DPF3: variants seen among roughly 807,000 people sequenced by gnomAD.
DPF3 encodes zinc finger protein DPF3.
Under a neutral mutation model 56.8 loss-of-function variants are expected in DPF3, and 18 were observed. The ratio of observed to expected loss-of-function variants is 0.32; its 90% confidence interval spans 0.22 to 0.47. DPF3 has a LOEUF of 0.47. Among genes scored for constraint, DPF3 ranks in the 20% least tolerant of loss-of-function variants. The pLI is 1.00. For synonymous variants in DPF3, 188 were observed against 180.2 expected (o/e 1.04, Z -0.35); for missense variants, 403 against 488.8 (o/e 0.82, Z 1.65).
In DPF3 at chr14:72,616,068, G is replaced by A. The variant is rs150449125; in HGVS notation, c.*3229C>T. Among the ~76,000 whole-genome samples the A allele has an allele frequency of 1.1e-3, 165 of 152,252 alleles. No individual in the cohort carries two copies. Among genetic ancestry groups the A allele is most frequent in the African/African-American group, 3.7e-3 (154 of 41,540 alleles). On this transcript the variant is annotated 3_prime_UTR_variant, in exon 11 of 11. Transcript: ENST00000556509. ...AAATGACAATAGCTACCATGGAGTG[G>A]GGACCATCATCATGCCAGACCCGGG... is the stretch of plus-strand genomic sequence containing the variant.
intron 6 of DPF3, among the ~76,000 whole-genome samples, chr14:72,702,078 G>A (rs926285974): frequency 1.3e-5 from 2 of 152,164 alleles, no homozygotes; most frequent in Non-Finnish European, 2.9e-5. Flanking sequence ...GCAATTCTCT[G>A]GATGGCACAG....
intron 3 of DPF3, among the ~76,000 whole-genome samples, chr14:72,736,598 G>A (rs1263824601): frequency 6.6e-6 from 1 of 152,022 alleles, no homozygotes; most frequent in African/African-American, 2.4e-5. Context: ...CAAACACAGG[G>A]TGCACTCTGC....
chr14:72,670,815 C>T (rs780639249), intron 8 of DPF3: 27 of 1,108,532 alleles, frequency 2.4e-5, no homozygotes, highest in Admixed American at 4.7e-5. Flanking sequence ...TCAAAAAGAC[C>T]CCCTCCCCTC....
At chr14:72,627,378 A>AT (rs1436907384) in intron 9 of DPF3, among the ~76,000 whole-genome samples, 1 of 152,072 alleles carries the variant, frequency 6.6e-6, no homozygotes, top group Non-Finnish European at 1.5e-5. Flanking sequence ...TGGCTACCCC[A>AT]TTGTCCCAGC....
intron 2 of DPF3, among the ~76,000 whole-genome samples, chr14:72,762,398 A>G (rs1266676007): frequency 8.6e-5 from 13 of 151,892 alleles, no homozygotes; most frequent in African/African-American, 2.7e-4. Context: ...AAATCAATCA[A>G]TGTAACTCAT....
intron 6 of DPF3, among the ~76,000 whole-genome samples, chr14:72,701,167 C>T (rs888058190): frequency 3.3e-5 from 5 of 152,190 alleles, no homozygotes; most frequent in Admixed American, 6.5e-5. Flanking sequence ...TCTCCTTCCC[C>T]GGGGGCAAGC....
chr14:72,772,802 C>G (rs1160750160), intron 1 of DPF3, among the ~76,000 whole-genome samples: 1 of 152,110 alleles, frequency 6.6e-6, no homozygotes, highest in African/African-American at 2.4e-5. Flanking sequence ...AAAACATAGG[C>G]ACAGGTTAAT....
At chr14:72,737,559 C>A (rs1218548334) in intron 3 of DPF3, among the ~76,000 whole-genome samples, 1 of 152,174 alleles carries the variant, frequency 6.6e-6, no homozygotes, top group African/African-American at 2.4e-5. Context: ...GGATGAAGGA[C>A]TGGAAACCTG....
intron 1 of DPF3, among the ~76,000 whole-genome samples, chr14:72,815,575 C>G (rs531464930): frequency 6.6e-5 from 10 of 152,348 alleles, no homozygotes; most frequent in Admixed American, 2.0e-4. Context: ...TGGGAACACC[C>G]AAGTGCTCAT....
At chr14:72,789,477 G>A (rs1892341771) in intron 1 of DPF3, among the ~76,000 whole-genome samples, 1 of 152,134 alleles carries the variant, frequency 6.6e-6, no homozygotes, top group East Asian at 1.9e-4. Flanking sequence ...CGGACATTTT[G>A]TGTTGTATCT....
intron 7 of DPF3, among the ~76,000 whole-genome samples, chr14:72,687,236 C>T (rs1454011935): frequency 6.6e-6 from 1 of 152,132 alleles, no homozygotes; most frequent in Non-Finnish European, 1.5e-5. Flanking sequence ...AGGCTGAGAC[C>T]TCCAGGAACC....
At chr14:72,823,470 A>G (rs1883643942) in intron 1 of DPF3, among the ~76,000 whole-genome samples, 1 of 152,212 alleles carries the variant, frequency 6.6e-6, no homozygotes, top group Admixed American at 6.5e-5. Context: ...GCCAACATCC[A>G]GAGAGACTCC....
rs1412595190 is a variant in DPF3, at chr14:72,617,745, C to A, written c.*1552G>T. On this transcript the variant is annotated 3_prime_UTR_variant, in exon 11 of 11. Coordinates refer to ENST00000556509, the MANE Select transcript of DPF3 (RefSeq NM_001280542.3). Reference sequence around the variant, plus strand: ...CCGAGGGACAGCACAAATACTGCGGCCGGGCAGAGGTGGCCCAACTAGCCC... The same window carrying A: ...CCGAGGGACAGCACAAATACTGCGGACGGGCAGAGGTGGCCCAACTAGCCC... Among the ~76,000 whole-genome samples the A allele has an allele frequency of 6.6e-6, 1 of 152,172 alleles. No homozygotes were observed. Among genetic ancestry groups the A allele is most frequent in the Non-Finnish European group, 1.5e-5 (1 of 68,028 alleles).
intron 8 of DPF3, among the ~76,000 whole-genome samples, chr14:72,644,899 C>T (rs961621484): frequency 2.6e-5 from 4 of 152,326 alleles, no homozygotes; most frequent in African/African-American, 9.6e-5. Context: ...GGCACGTATA[C>T]CACCATTCTA....
At chr14:72,674,901 T>A (rs1886844260) in intron 7 of DPF3, among the ~76,000 whole-genome samples, 1 of 152,270 alleles carries the variant, frequency 6.6e-6, no homozygotes, top group South Asian at 2.1e-4. Flanking sequence ...AAGATGCTCT[T>A]GGGGACTTGG....
chr14:72,798,462 G>C lies in DPF3; in HGVS notation c.33-26569C>G, dbSNP rs182250231. Reference sequence around the variant, plus strand: ...CATGTATGAAACCAAGATAGGAAATGGTTAAAATTATCCTTGATAGTGGAG... The same window carrying C: ...CATGTATGAAACCAAGATAGGAAATCGTTAAAATTATCCTTGATAGTGGAG... On this transcript the variant is annotated intron_variant, in intron 1 of 10. Transcript: ENST00000556509. Among the ~76,000 whole-genome samples the C allele has an allele frequency of 2.6e-5, 4 of 152,170 alleles. No homozygotes were observed. In the East Asian group the frequency reaches 7.7e-4, roughly 29 times the overall value.
intron 5 of DPF3, among the ~76,000 whole-genome samples, chr14:72,721,795 T>A (rs1889183914): frequency 6.6e-6 from 1 of 152,124 alleles, no homozygotes. Context: ...AAGTTTCTAA[T>A]CAAACTACCA....
chr14:72,629,583 C>G (rs917897695), intron 9 of DPF3, 41 bp downstream of exon 9: 1 of 1,506,116 alleles, frequency 6.6e-7, no homozygotes, highest in African/African-American at 1.4e-5. Context: ...GACCCCAGCT[C>G]TGTGGATTTC....
chr14:72,721,174 C>T (rs1056669231), intron 5 of DPF3, among the ~76,000 whole-genome samples: 7 of 152,226 alleles, frequency 4.6e-5, no homozygotes, highest in Non-Finnish European at 1.0e-4. Flanking sequence ...AGGCATCACT[C>T]TCTATGTGGT....
Sources: gnomAD v4.1 joint callset for allele counts (sites outside exome capture counted in the v4.1 genomes callset) on GRCh38, gnomAD v4.1.1 for gene constraint, MANE v1.5 for transcripts, NCBI Gene and HGNC (gene_info 2026-07-23, HGNC 2026-07-21) for gene names.